Variants in ASXL2 observed in about 807,000 individuals in gnomAD.
ASXL2 encodes putative Polycomb group protein ASXL2.
ASXL2 carries 23 observed loss-of-function variants against 122.0 expected under a neutral mutation model. The ratio of observed to expected loss-of-function variants is 0.19; its 90% confidence interval spans 0.14 to 0.27. The LOEUF is 0.27. Among genes scored for constraint, ASXL2 ranks in the 10% least tolerant of loss-of-function variants. The pLI, the probability that ASXL2 is intolerant of heterozygous loss-of-function variation, is 1.00. For synonymous variants in ASXL2, 650 were observed against 637.0 expected (o/e 1.02, Z -0.31); for missense variants, 1,518 against 1,713.8 (o/e 0.89, Z 2.02).
At chr2:25,762,466 G>A (rs368237216) in intron 8 of ASXL2, among the ~76,000 whole-genome samples, 33 of 151,896 alleles carry the variant, frequency 2.2e-4, no homozygotes, top group African/African-American at 7.7e-4. Context: ...AGGAGCTCAG[G>A]ACCAGCCTGG....
At chr2:25,829,251 G>C (rs1053272240) in intron 3 of ASXL2, among the ~76,000 whole-genome samples, 3 of 151,708 alleles carry the variant, frequency 2.0e-5, no homozygotes, top group Admixed American at 6.6e-5. Flanking sequence ...CAAACAGAGA[G>C]ACAGAGACAG....
At chr2:25,773,106 G>C (rs1319509625) in intron 5 of ASXL2, among the ~76,000 whole-genome samples, 7 of 151,894 alleles carry the variant, frequency 4.6e-5, no homozygotes, top group African/African-American at 1.7e-4. Flanking sequence ...GCACTCAGGA[G>C]GCTGAGCAGG....
chr2:25,736,527 A>G lies in ASXL2; in HGVS notation c.*5502T>C, dbSNP rs2087737402. 1 of 152,190 alleles carries G rather than the reference A, an allele frequency of 6.6e-6. No homozygotes were observed. The highest frequency in any genetic ancestry group is 2.1e-4 in the South Asian group (1 of 4,834). 9.4% of individuals were successfully genotyped at this position (152,190 alleles called of 1,614,324 possible). ...CTTTAGAAACAGCACATTTTCAGCT[A>G]AGATCTAGACTGCTGTTCTCTTGGA... On this transcript the variant is annotated 3_prime_UTR_variant, in exon 13 of 13. Transcript: ENST00000435504.
At chr2:25,841,752 C>T (rs993212469) in intron 2 of ASXL2, among the ~76,000 whole-genome samples, 3 of 152,120 alleles carry the variant, frequency 2.0e-5, no homozygotes, top group South Asian at 4.2e-4. Flanking sequence ...TCGAGACCAT[C>T]CTGGCTAACA....
intron 5 of ASXL2, among the ~76,000 whole-genome samples, chr2:25,790,776 A>G (rs1028788868): frequency 2.0e-5 from 3 of 151,776 alleles, no homozygotes; most frequent in African/African-American, 7.3e-5. Flanking sequence ...CAAACAAAAA[A>G]AGAGTCAATA....
intron 5 of ASXL2, among the ~76,000 whole-genome samples, chr2:25,773,293 T>C (rs1436730817): frequency 1.3e-5 from 2 of 151,978 alleles, no homozygotes; most frequent in Non-Finnish European, 2.9e-5. Context: ...AATTTATATA[T>C]GGAAAAGAGC....
At chr2:25,858,716 C>T (rs1205176115) in intron 1 of ASXL2, among the ~76,000 whole-genome samples, 1 of 143,094 alleles carries the variant, frequency 7.0e-6, no homozygotes, top group Non-Finnish European at 1.6e-5. Context: ...AGCGAGACCC[C>T]GCCTCAAAAA....
At chr2:25,767,888 A>G (rs1173000603) in intron 7 of ASXL2, among the ~76,000 whole-genome samples, 162 bp from the exon 8 acceptor site, 3 of 152,094 alleles carry the variant, frequency 2.0e-5, no homozygotes, top group Non-Finnish European at 4.4e-5. Context: ...GTAAAATAAA[A>G]CCCTGTTTTT....
chr2:25,743,265 C>T lies in ASXL2; in HGVS notation c.3072G>A (p.Leu1024=). 1 of 1,613,650 alleles carries T rather than the reference C, an allele frequency of 6.2e-7. No homozygotes were observed. Among genetic ancestry groups the T allele is most frequent in the Non-Finnish European group, 8.5e-7 (1 of 1,179,718 alleles). Residue 1024 remains leucine, a synonymous_variant, in exon 13 of 13, where the codon TTG becomes TTA. Coordinates refer to ENST00000435504, the MANE Select transcript of ASXL2 (RefSeq NM_018263.6). The part of the protein sequence containing the change: ...PATQQQLGKT[L]QSKQLPQVPR... ...GAACCTGGGGGAGCTGCTTACTTTG[C>T]AAGGTTTTGCCCAGCTGCTGCTGCG...
rs2087814799 is a variant in ASXL2, at chr2:25,740,813, T to C, written c.*1216A>G. 1 of 196,884 alleles carries C rather than the reference T, an allele frequency of 5.1e-6. No individual in the cohort carries two copies. Among genetic ancestry groups the C allele is most frequent in the African/African-American group, 2.3e-5 (1 of 43,304 alleles). 12.2% of individuals were successfully genotyped at this position (196,884 alleles called of 1,614,324 possible). ...ATTTTCTAAAACAGGAAAAATGTCT[T>C]GTATTGTGTGTGTGTGTGTACATAC... On this transcript the variant is annotated 3_prime_UTR_variant, in exon 13 of 13. Transcript: ENST00000435504.
chr2:25,759,028 C>G (rs1270811226), intron 9 of ASXL2, among the ~76,000 whole-genome samples: 1 of 152,076 alleles, frequency 6.6e-6, no homozygotes. Context: ...TATCTTGGCT[C>G]ACTGCAATCT....
intron 3 of ASXL2, among the ~76,000 whole-genome samples, chr2:25,833,842 C>T (rs903184484): frequency 6.6e-6 from 1 of 152,146 alleles, no homozygotes; most frequent in Non-Finnish European, 1.5e-5. Context: ...TAACCTTGAG[C>T]AGAGTAGACA....
chr2:25,770,928 A>C (rs1361718583), intron 6 of ASXL2, among the ~76,000 whole-genome samples: 1 of 151,744 alleles, frequency 6.6e-6, no homozygotes, highest in Admixed American at 6.6e-5. Flanking sequence ...TAGACACTTT[A>C]AAAAATGTGA....
chr2:25,762,693 T>G lies in ASXL2; in HGVS notation c.776-3048A>C, dbSNP rs906140911. On this transcript the variant is annotated intron_variant, in intron 8 of 12. Coordinates refer to ENST00000435504, the MANE Select transcript of ASXL2 (RefSeq NM_018263.6). ...AAAAAAAAAAAAAAAAAAAAAAGAA[T>G]AAGAAGGAAACAAGAAACAGCCATA... Among the ~76,000 whole-genome samples, 9 of 87,888 alleles carry G rather than the reference T, an allele frequency of 1.0e-4. No homozygotes were observed. The South Asian group carries it at 2.5e-3, about 25-fold the overall frequency. The allele number at this position is 87,888 out of a possible 152,430, so 57.7% of individuals were successfully genotyped here. A position where few individuals can be genotyped will look rare whatever the true frequency, so the allele number is the denominator to read the frequency against.
intron 11 of ASXL2, among the ~76,000 whole-genome samples, chr2:25,752,337 G>A (rs1446616228): frequency 6.6e-6 from 1 of 152,060 alleles, no homozygotes. Flanking sequence ...TGGATCTTTT[G>A]TTGGGGGGGA....
intron 3 of ASXL2, among the ~76,000 whole-genome samples, chr2:25,834,681 C>T (rs2089488793): frequency 6.6e-6 from 1 of 152,192 alleles, no homozygotes; most frequent in African/African-American, 2.4e-5. Context: ...TCAGGTCTCA[C>T]AGGCGTGTAA....
At chr2:25,775,735 T>G (rs1250048462) in intron 5 of ASXL2, among the ~76,000 whole-genome samples, 1 of 152,208 alleles carries the variant, frequency 6.6e-6, no homozygotes, top group Admixed American at 6.5e-5. Flanking sequence ...CCTTTATAAA[T>G]TACCCAGTCT....
In ASXL2 at chr2:25,851,434, T is replaced by C. The variant is rs141803339; in HGVS notation, c.58-5871A>G. Among the ~76,000 whole-genome samples, 28 of 152,310 alleles carry C rather than the reference T, an allele frequency of 1.8e-4. No homozygotes were observed. In the East Asian group the frequency reaches 2.9e-3, roughly 16 times the overall value. On this transcript the variant is annotated intron_variant, in intron 1 of 12. Transcript: ENST00000435504. ...AGCTCTCTAATTTACATTAAATATA[T>C]TGAAACATTTACTGTCACATTTACT...
chr2:25,767,942 C>T (rs1339662693), intron 7 of ASXL2, among the ~76,000 whole-genome samples: 1 of 152,168 alleles, frequency 6.6e-6, no homozygotes, highest in African/African-American at 2.4e-5. Context: ...TTTCCTTTCT[C>T]ATAAAAATGC....
Sources: allele counts gnomAD v4.1 joint callset (sites outside exome capture counted in the v4.1 genomes callset), GRCh38; gene constraint gnomAD v4.1.1; transcripts MANE v1.5; gene names NCBI Gene and HGNC (gene_info 2026-07-23, HGNC 2026-07-21).